Variants in MTUS1 observed in about 807,000 individuals in gnomAD.
MTUS1 encodes the protein microtubule associated scaffold protein 1.
Under a neutral mutation model 120.8 loss-of-function variants are expected in MTUS1, and 109 were observed. The ratio of observed to expected loss-of-function variants is 0.90; its 90% CI spans 0.77 to 1.06. The LOEUF is 1.06. Ranked by LOEUF, MTUS1 falls within the 50% of genes least tolerant of loss-of-function variation. The pLI, the probability that MTUS1 is intolerant of heterozygous loss-of-function variation, is 0.00. For synonymous variants in MTUS1, 737 were observed against 550.5 expected (o/e 1.34, Z -4.74); for missense variants, 2,210 against 1,486.3 (o/e 1.49, Z -8.01).
intron 8 of MTUS1, among the ~76,000 whole-genome samples, chr8:17,662,873 G>A (rs1407507126): frequency 6.6e-6 from 1 of 151,810 alleles, no homozygotes; most frequent in African/African-American, 2.4e-5. Flanking sequence ...AGGAAGAAAG[G>A]AGGAAGGGAG....
At chr8:17,739,435 G>C (rs1191324465) in intron 3 of MTUS1, among the ~76,000 whole-genome samples, 1 of 132,870 alleles carries the variant, frequency 7.5e-6, no homozygotes, top group Non-Finnish European at 1.7e-5. Flanking sequence ...GGAGGTTGTG[G>C]TGAGCCACGA....
intron 6 of MTUS1, among the ~76,000 whole-genome samples, chr8:17,698,720 CCTCAAGCCCCCTCCCTCTTCA>C (rs972807353): frequency 2.0e-4 from 31 of 151,970 alleles, no homozygotes; most frequent in Non-Finnish European, 4.3e-4. Context: ...AGTTCTCTTC[CCTCAAGCCCCCTCCCTCTTCA>C]CTCAAGCCCC....
At chr8:17,652,707 G>A (rs749868692) in intron 12 of MTUS1, among the ~76,000 whole-genome samples, 13 of 151,696 alleles carry the variant, frequency 8.6e-5, no homozygotes, top group South Asian at 2.1e-4. Context: ...ATGGTGATGC[G>A]TGCCTGTAAT....
intron 8 of MTUS1, among the ~76,000 whole-genome samples, chr8:17,661,743 G>T (rs57223518): frequency 1.3e-5 from 2 of 152,146 alleles, no homozygotes; most frequent in South Asian, 2.1e-4. Flanking sequence ...GGGTCAGATG[G>T]GGGAACAGGA....
intron 1 of MTUS1, among the ~76,000 whole-genome samples, chr8:17,768,598 G>A (rs2049755014): frequency 6.6e-6 from 1 of 151,520 alleles, no homozygotes; most frequent in Non-Finnish European, 1.5e-5. Context: ...CACCCTCAAA[G>A]CCACATGAGG....
chr8:17,795,840 T>C (rs529359258), intron 1 of MTUS1, among the ~76,000 whole-genome samples: 1 of 152,050 alleles, frequency 6.6e-6, no homozygotes, highest in Non-Finnish European at 1.5e-5. Flanking sequence ...TTCACCATGT[T>C]AGCCAAGCTG....
At chr8:17,757,539 T>A (rs575386948) in intron 1 of MTUS1, among the ~76,000 whole-genome samples, 1 of 152,328 alleles carries the variant, frequency 6.6e-6, no homozygotes, top group Admixed American at 6.5e-5. Context: ...TTATTATTGC[T>A]TTTTTGAGAT....
chr8:17,666,345 C>T (rs1014630148), intron 8 of MTUS1, among the ~76,000 whole-genome samples: 37 of 151,306 alleles, frequency 2.4e-4, no homozygotes, highest in Admixed American at 1.1e-3. Flanking sequence ...TCCTCACTGA[C>T]GGATCATTTT....
intron 6 of MTUS1, among the ~76,000 whole-genome samples, chr8:17,711,432 C>G (rs389184): frequency 6.0e-5 from 9 of 150,806 alleles, no homozygotes; most frequent in Admixed American, 2.0e-4. Flanking sequence ...ACCTCATGAA[C>G]CAACCTCTGC....
chr8:17,754,296 T>C lies in MTUS1; in HGVS notation c.1512A>G (p.Arg504=). 6.2e-7 allele frequency: 1 copy of C among 1,614,128 alleles called. No homozygotes were observed. The highest frequency in any genetic ancestry group is 8.5e-7 in the Non-Finnish European group (1 of 1,180,022). The change falls in exon 2 of 15, where the codon AGA becomes AGG. Residue 504 remains arginine (R), a synonymous_variant. Transcript: ENST00000693296. Reference sequence around the variant, plus strand: ...TTGCTTTGACATTCTTGAAGTTTGGTCTTGGGTAACTTATAATTTCAGTTT... The same window carrying C: ...TTGCTTTGACATTCTTGAAGTTTGGCCTTGGGTAACTTATAATTTCAGTTT... ...VRKTEIISYP[R]PNFKNVKAKV...
chr8:17,787,171 G>A (rs912829976), intron 1 of MTUS1, among the ~76,000 whole-genome samples: 1 of 152,134 alleles, frequency 6.6e-6, no homozygotes. Context: ...ACTGCTCCAC[G>A]CCAGGCCAGC....
chr8:17,785,692 C>T (rs752211422), intron 1 of MTUS1, among the ~76,000 whole-genome samples: 36 of 152,198 alleles, frequency 2.4e-4, no homozygotes, highest in Non-Finnish European at 4.4e-4. Flanking sequence ...AACATTCTGT[C>T]ACCAGGTACC....
At chr8:17,751,837 A>T (rs1245683612) in intron 2 of MTUS1, among the ~76,000 whole-genome samples, 1 of 146,952 alleles carries the variant, frequency 6.8e-6, no homozygotes, top group African/African-American at 2.6e-5. Context: ...CAGCCTGGCG[A>T]AAGAGCAAGA....
intron 6 of MTUS1, among the ~76,000 whole-genome samples, chr8:17,701,616 C>T (rs954181769): frequency 4.8e-4 from 73 of 152,040 alleles, no homozygotes; most frequent in South Asian, 4.2e-4. Context: ...GGCGTGATCT[C>T]GGCTCACTGC....
intron 1 of MTUS1, among the ~76,000 whole-genome samples, chr8:17,758,727 C>T (rs1282958007): frequency 6.6e-6 from 1 of 152,152 alleles, no homozygotes; most frequent in East Asian, 1.9e-4. Flanking sequence ...ACTGCAAACA[C>T]GCACTTAGCA....
intron 2 of MTUS1, among the ~76,000 whole-genome samples, chr8:17,749,100 G>A (rs2047989263): frequency 6.6e-6 from 1 of 152,118 alleles, no homozygotes; most frequent in Non-Finnish European, 1.5e-5. Flanking sequence ...ATGAAAGGAA[G>A]GGGGAGTCAG....
At chr8:17,648,196 C>G (rs1806239324) in intron 13 of MTUS1, among the ~76,000 whole-genome samples, 1 of 152,172 alleles carries the variant, frequency 6.6e-6, no homozygotes, top group African/African-American at 2.4e-5. Context: ...AGAAAACTTC[C>G]TGTGCTTCTA....
At chr8:17,761,803 T>C (rs1325853375) in intron 1 of MTUS1, among the ~76,000 whole-genome samples, 4 of 152,234 alleles carry the variant, frequency 2.6e-5, no homozygotes, top group Non-Finnish European at 5.9e-5. Context: ...TTATAATTTA[T>C]AGCTTCCAAA....
intron 1 of MTUS1, among the ~76,000 whole-genome samples, chr8:17,797,486 TG>T: frequency 6.6e-6 from 1 of 152,322 alleles, no homozygotes; most frequent in Non-Finnish European, 1.5e-5. Context: ...CTGGTTATAC[TG>T]GACCATCCAA....
Sources: allele counts gnomAD v4.1 joint callset (sites outside exome capture counted in the v4.1 genomes callset), GRCh38; gene constraint gnomAD v4.1.1; transcripts MANE v1.5; gene names NCBI Gene and HGNC (gene_info 2026-07-23, HGNC 2026-07-21).